The following PSPC1 variants were observed in gnomAD, a reference collection of about 807,000 sequenced individuals.
PSPC1 encodes paraspeckle protein 1.
Under a neutral mutation model 51.6 loss-of-function variants are expected in PSPC1, and 14 were observed. That is an observed-to-expected ratio of 0.27 (90% CI 0.18 to 0.42). The LOEUF (loss-of-function observed/expected upper bound fraction) is 0.42. PSPC1 is among the 10% of genes least tolerant of loss of function. The pLI is 1.00. For missense variants in PSPC1, 406 were observed against 701.1 expected (o/e 0.58, Z 4.75); for synonymous variants, 193 against 231.9 (o/e 0.83, Z 1.53).
At chr13:19,738,881 G>A (rs1885129923) in intron 5 of PSPC1, among the ~76,000 whole-genome samples, 1 of 150,840 alleles carries the variant, frequency 6.6e-6, no homozygotes, top group African/African-American at 2.4e-5. Flanking sequence ...ACTCCAGCCT[G>A]GGCGACAGAG....
chr13:19,711,461 C>G (rs1881408417), intron 6 of PSPC1, among the ~76,000 whole-genome samples: 1 of 151,710 alleles, frequency 6.6e-6, no homozygotes, highest in Non-Finnish European at 1.5e-5. Flanking sequence ...ACGGTGAAAC[C>G]CCGTTTCTAC....
In PSPC1 at chr13:19,782,443, A is replaced by G. The variant is rs1415283843; in HGVS notation, c.315T>C (p.Tyr105=). Residue 105 remains tyrosine (Y), a synonymous_variant, in exon 1 of 9, where the codon TAT becomes TAC. Transcript: ENST00000338910. This position sits in a 1 kb window ranked among gnomAD's most constrained non-coding sequence, Gnocchi z 4.5. ...EEDFKRLFER[Y]GEPSEVFINR... ...TGATGAAGACTTCGCTGGGCTCGCC[A>G]TAGCGTTCGAAGAGCCTCTTGAAGT... 5 of 1,610,510 alleles carry G rather than the reference A, an allele frequency of 3.1e-6. No individual in the cohort carries two copies. The South Asian group carries it at 5.5e-5, about 18-fold the overall frequency.
intron 3 of PSPC1, 88 bp downstream of exon 3, chr13:19,759,235 A>G: frequency 1.0e-6 from 1 of 996,824 alleles, no homozygotes; most frequent in South Asian, 1.4e-5. Context: ...ATAAATAAAC[A>G]GAACACCTCA....
intron 3 of PSPC1, 52 bp downstream of exon 3, chr13:19,759,271 A>G (rs1399078410): frequency 2.2e-6 from 3 of 1,382,622 alleles, no homozygotes; most frequent in Non-Finnish European, 3.1e-6. Context: ...AAACAAATGT[A>G]ATGAACACCC....
intron 4 of PSPC1, among the ~76,000 whole-genome samples, chr13:19,750,994 C>T (rs1886489796): frequency 6.6e-6 from 1 of 152,042 alleles, no homozygotes; most frequent in African/African-American, 2.4e-5. Flanking sequence ...GTCTCGAACT[C>T]CCGACCTCAG....
chr13:19,762,515 G>A (rs3858743), intron 2 of PSPC1, among the ~76,000 whole-genome samples: 3,596 of 152,208 alleles, frequency 0.024, 69 homozygotes, highest in Non-Finnish European at 0.03. Context: ...AGCCGAGATC[G>A]TGCCATTGCA....
At chr13:19,699,239 A>G (rs1459514559), downstream of PSPC1, 1 of 151,896 alleles carries the variant, frequency 6.6e-6, no homozygotes, top group Non-Finnish European at 1.5e-5. Context: ...AGGTCTCACT[A>G]CAACTGCCCA....
chr13:19,772,352 A>C lies in PSPC1; in HGVS notation c.564T>G (p.Val188=). The C allele has an allele frequency of 6.2e-7, 1 of 1,614,232 alleles. No individual in the cohort carries two copies. Among genetic ancestry groups the C allele is most frequent in the Non-Finnish European group, 8.5e-7 (1 of 1,180,052 alleles). Residue 188 remains valine (V), a synonymous_variant, in exon 2 of 9, where the codon GTT becomes GTG. Transcript: ENST00000338910. ...CTGTAGCTCTACCGCGATCATCCAC[A>C]ACCACAACAGCTTTCTCTACTGGAC... is the stretch of plus-strand genomic sequence containing the variant. ...QFGPVEKAVV[V]VDDRGRATGK...
At chr13:19,678,717 C>A (rs989481728) in intron 6 of PSPC1, 1 of 152,186 alleles carries the variant, frequency 6.6e-6, no homozygotes, top group African/African-American at 2.4e-5. Context: ...ACCCCAGTAA[C>A]CCAAGAGGAC....
chr13:19,728,124 G>A (rs1883577020), intron 6 of PSPC1, among the ~76,000 whole-genome samples: 1 of 152,032 alleles, frequency 6.6e-6, no homozygotes, highest in Admixed American at 6.6e-5. Flanking sequence ...TGATCAAGTT[G>A]AAGGCTGACA....
intron 6 of PSPC1, among the ~76,000 whole-genome samples, chr13:19,687,314 A>G (rs1031956782): frequency 3.3e-5 from 5 of 152,150 alleles, no homozygotes; most frequent in Non-Finnish European, 7.3e-5. Context: ...TGGAGCTTCA[A>G]TGGTTTCCAC....
At chr13:19,748,121 G>A (rs534477926) in intron 4 of PSPC1, among the ~76,000 whole-genome samples, 5 of 152,168 alleles carry the variant, frequency 3.3e-5, no homozygotes, top group African/African-American at 1.2e-4. Context: ...GCTGAGGCAG[G>A]AGAATCGCTT....
At chr13:19,685,609 T>C (rs1877780827) in intron 6 of PSPC1, among the ~76,000 whole-genome samples, 1 of 152,190 alleles carries the variant, frequency 6.6e-6, no homozygotes, top group Non-Finnish European at 1.5e-5. Context: ...CAACTCCAGA[T>C]GTTCATATGC....
chr13:19,747,710 TTCATTAAAGAA>T, intron 4 of PSPC1, among the ~76,000 whole-genome samples: 1 of 152,318 alleles, frequency 6.6e-6, no homozygotes, highest in Non-Finnish European at 1.5e-5. Context: ...CAAATTTTTT[TTCATTAAAGAA>T]TACAAAAGAG....
rs181956239 is a variant in PSPC1, at chr13:19,681,084, A to G, written c.1159-3261T>C. Among the ~76,000 whole-genome samples, 3 of 152,226 alleles carry G rather than the reference A, an allele frequency of 2.0e-5. No individual in the cohort carries two copies. The East Asian group carries it at 5.8e-4, about 30-fold the overall frequency. On this transcript the variant is annotated intron_variant and NMD_transcript_variant, in intron 6 of 7. Transcript: ENST00000471658. ...GTAAAAATTAGCTGAGTGCGGTGGC[A>G]CACACAGGTCGTCCTGGCTACTTGG...
chr13:19,720,458 C>A (rs1882629178), intron 6 of PSPC1, among the ~76,000 whole-genome samples: 1 of 152,138 alleles, frequency 6.6e-6, no homozygotes, highest in African/African-American at 2.4e-5. Context: ...AGGAGAGTAT[C>A]CATTTCTGTT....
At chr13:19,721,975 C>T (rs1038125417) in intron 6 of PSPC1, among the ~76,000 whole-genome samples, 2 of 152,140 alleles carry the variant, frequency 1.3e-5, no homozygotes, top group East Asian at 1.9e-4. Context: ...CAATAAATGC[C>T]AAGGTCTAGT....
intron 6 of PSPC1, among the ~76,000 whole-genome samples, chr13:19,717,474 A>C (rs564662804): frequency 5.9e-4 from 90 of 151,292 alleles, no homozygotes; most frequent in African/African-American, 2.0e-3. Flanking sequence ...GGGAGGCCGA[A>C]GCGGGCAGAT....
At chr13:19,737,573 T>C (rs1371102130) in intron 5 of PSPC1, among the ~76,000 whole-genome samples, 2 of 145,042 alleles carry the variant, frequency 1.4e-5, no homozygotes, top group African/African-American at 5.0e-5. Context: ...TGTTTGGTTA[T>C]GGTGGTGTCT....
Sources: gnomAD v4.1 joint callset for allele counts (sites outside exome capture counted in the v4.1 genomes callset) on GRCh38, gnomAD v4.1.1 for gene constraint, Gnocchi (gnomAD v3.1) non-coding constraint, MANE v1.5 for transcripts, NCBI Gene and HGNC (gene_info 2026-07-23, HGNC 2026-07-21) for gene names.